The following PRKN variants were observed in gnomAD, a reference collection of about 807,000 sequenced individuals.
PRKN encodes E3 ubiquitin-protein ligase parkin.
PRKN carries 56 observed loss-of-function variants against 59.5 expected under a neutral mutation model. That is an observed-to-expected ratio of 0.94 (90% CI 0.76 to 1.18). PRKN has a LOEUF of 1.18. Ranked by LOEUF, PRKN falls within the 50% of genes most tolerant of loss-of-function variation. The pLI is 0.00. For missense variants in PRKN, 657 were observed against 596.4 expected (o/e 1.10, Z -1.06); for synonymous variants, 250 against 222.1 (o/e 1.13, Z -1.12).
chr6:161,560,231 G>A lies in PRKN; in HGVS notation c.933+9124C>T, dbSNP rs371507671. Among the ~76,000 whole-genome samples the A allele has an allele frequency of 1.2e-4, 18 of 152,188 alleles. No individual in the cohort carries two copies. In the East Asian group the frequency reaches 2.5e-3, roughly 21 times the overall value. ...GCCCTGTATAATCAGCCTTTTGAAA[G>A]GTTTCCCTGTCCACACTGACTTAAC... On this transcript the variant is annotated intron_variant, in intron 8 of 11. Transcript: ENST00000366898. The surrounding 1 kb of genome is among the most constrained non-coding windows in gnomAD (Gnocchi z 4.9).
intron 9 of PRKN, among the ~76,000 whole-genome samples, chr6:161,387,782 TG>T (rs1228919094): frequency 9.2e-5 from 14 of 152,110 alleles, no homozygotes; most frequent in Non-Finnish European, 1.9e-4. Flanking sequence ...AGAAAGTAAC[TG>T]TATTTGGAGA....
At chr6:161,383,448 C>T (rs1786084716) in intron 10 of PRKN, among the ~76,000 whole-genome samples, 1 of 152,196 alleles carries the variant, frequency 6.6e-6, no homozygotes, top group Non-Finnish European at 1.5e-5. Flanking sequence ...ATGGGCTGTG[C>T]CCCTAGGATC....
chr6:161,558,089 A>C (rs545097417), intron 8 of PRKN, among the ~76,000 whole-genome samples: 4 of 152,242 alleles, frequency 2.6e-5, no homozygotes, highest in South Asian at 4.1e-4. Flanking sequence ...CTGCTCGGTT[A>C]ATTCTCTGTC....
intron 2 of PRKN, among the ~76,000 whole-genome samples, chr6:162,373,348 G>T (rs1185881145): frequency 6.6e-6 from 1 of 152,078 alleles, no homozygotes; most frequent in Non-Finnish European, 1.5e-5. Context: ...TGTGTTTGTT[G>T]AGTTAATAAA....
At position 162,054,138 on chromosome 6, in the gene PRKN, G is replaced by T; in HGVS notation, c.571C>A (p.Arg191=). 1.2e-6 allele frequency: 2 copies of T among 1,613,512 alleles called. No homozygotes were observed. Among genetic ancestry groups the T allele is most frequent in the South Asian group, 2.2e-5 (2 of 91,082 alleles). Residue 191 remains arginine, a synonymous_variant, in exon 5 of 12, where the codon CGG becomes AGG. Transcript: ENST00000366898. The stretch of plus-strand genomic sequence containing the variant: ...GGGGATTGGCATTCACCACTCATCC[G>T]GTTTGGAATTAAAACATCATCCCAG... ...SCWDDVLIPN[R]MSGECQSPHC...
intron 5 of PRKN, among the ~76,000 whole-genome samples, chr6:162,014,201 G>A (rs1471923580): frequency 1.3e-5 from 2 of 152,092 alleles, no homozygotes; most frequent in Non-Finnish European, 2.9e-5. Context: ...TCAGTGTGGG[G>A]CCTGGTTAAA....
chr6:162,405,278 A>T (rs968860837), intron 2 of PRKN, among the ~76,000 whole-genome samples: 1 of 152,228 alleles, frequency 6.6e-6, no homozygotes, highest in Admixed American at 6.5e-5. Flanking sequence ...CTTACAAAAG[A>T]GAAACAACTT....
chr6:162,227,139 T>C (rs77216775), intron 3 of PRKN, among the ~76,000 whole-genome samples: 4,414 of 152,298 alleles, frequency 0.029, 209 homozygotes, highest in African/African-American at 0.1. Context: ...GGGACTTGCA[T>C]ACAGTCTTCC....
In PRKN at chr6:161,641,025, C is replaced by G. The variant is rs551489470; in HGVS notation, c.872-71609G>C. 2.0e-5 allele frequency among the ~76,000 whole-genome samples: 3 copies of G among 152,340 alleles called. No individual in the cohort carries two copies. The East Asian group carries it at 5.8e-4, about 29-fold the overall frequency. On this transcript the variant is annotated intron_variant, in intron 7 of 11. Transcript: ENST00000366898. Reference sequence around the variant, plus strand: ...AGAAAATTATTATAGTGAAAGAGATCTGACCAAACCAACTCCATCTTCCTT... The same window carrying G: ...AGAAAATTATTATAGTGAAAGAGATGTGACCAAACCAACTCCATCTTCCTT...
intron 7 of PRKN, among the ~76,000 whole-genome samples, chr6:161,684,997 G>A (rs1367832783): frequency 6.6e-6 from 1 of 152,176 alleles, no homozygotes; most frequent in Admixed American, 6.5e-5. Context: ...CTCAAGACTG[G>A]TGGTTAACAT....
chr6:161,363,423 G>A lies in PRKN; in HGVS notation c.1168-3218C>T, dbSNP rs1277463634. Among the ~76,000 whole-genome samples the A allele has an allele frequency of 6.6e-6, 1 of 152,152 alleles. No homozygotes were observed. Among genetic ancestry groups the A allele is most frequent in the Non-Finnish European group, 1.5e-5 (1 of 68,040 alleles). On this transcript the variant is annotated intron_variant, in intron 10 of 11. Transcript: ENST00000366898. The surrounding 1 kb of genome is among the most constrained non-coding windows in gnomAD (Gnocchi z 4.1). ...ACTAATAATTAAAATTAGAAACTCA[G>A]TTGATGAGTTACATAACAAATTAGA...
In PRKN at chr6:161,853,601, A is replaced by C. The variant is rs145599633; in HGVS notation, c.735-67693T>G. On this transcript the variant is annotated intron_variant, in intron 6 of 11. Coordinates refer to ENST00000366898, the MANE Select transcript of PRKN (RefSeq NM_004562.3). The stretch of plus-strand genomic sequence containing the variant: ...CATGACTCTACTTAACAGAGCTAGG[A>C]ATACTGTCAGTTTGCAAAGGTAAAA... 2.8e-4 allele frequency among the ~76,000 whole-genome samples: 42 copies of C among 152,334 alleles called. No homozygotes were observed. The East Asian group carries it at 5.6e-3, about 20-fold the overall frequency.
At chr6:162,487,544 A>T (rs577644814) in intron 1 of PRKN, among the ~76,000 whole-genome samples, 1 of 152,182 alleles carries the variant, frequency 6.6e-6, no homozygotes, top group South Asian at 2.1e-4. Flanking sequence ...GAACACACAT[A>T]AAACTGGAAA....
intron 6 of PRKN, among the ~76,000 whole-genome samples, chr6:161,954,534 A>G (rs1780101617): frequency 6.6e-6 from 1 of 152,214 alleles, no homozygotes; most frequent in Admixed American, 6.5e-5. Flanking sequence ...TTCTGAAATC[A>G]TATTGACACA....
chr6:162,272,560 G>A (rs1400217429), intron 2 of PRKN, among the ~76,000 whole-genome samples: 3 of 152,078 alleles, frequency 2.0e-5, no homozygotes, highest in Non-Finnish European at 2.9e-5. Context: ...ACGTCGGGGA[G>A]GTCAGCACTA....
Position 161,561,480 on chromosome 6 carries a change from A to G in PRKN, c.933+7875T>C, listed in dbSNP as rs1208328858. Among the ~76,000 whole-genome samples, 1 of 152,094 alleles carries G rather than the reference A, an allele frequency of 6.6e-6. No individual in the cohort carries two copies. The highest frequency in any genetic ancestry group is 1.5e-5 in the Non-Finnish European group (1 of 68,022). ...AAGTGTCAAGTACTCTTCTATGTGG[A>G]AGACGCAGCAGTGAAAAATGACATC... On this transcript the variant is annotated intron_variant, in intron 8 of 11. Coordinates refer to ENST00000366898, the MANE Select transcript of PRKN (RefSeq NM_004562.3). The surrounding 1 kb of genome is among the most constrained non-coding windows in gnomAD (Gnocchi z 5.0).
intron 1 of PRKN, among the ~76,000 whole-genome samples, chr6:162,566,406 AAAAG>A (rs1780080925): frequency 6.6e-6 from 1 of 152,146 alleles, no homozygotes; most frequent in African/African-American, 2.4e-5. Context: ...AACAAAGAAA[AAAAG>A]AGAGAAGATC....
intron 7 of PRKN, among the ~76,000 whole-genome samples, chr6:161,710,864 TTTCCTTCC>T (rs369791172): frequency 5.8e-5 from 3 of 51,658 alleles, no homozygotes; most frequent in African/African-American, 1.7e-4. Context: ...TTCCCTTCCC[TTTCCTTCC>T]TTCCTTCCTT....
chr6:162,390,652 AG>A (rs1315773714), intron 2 of PRKN, among the ~76,000 whole-genome samples: 1 of 151,998 alleles, frequency 6.6e-6, no homozygotes, highest in Non-Finnish European at 1.5e-5. Flanking sequence ...CATGTTGGCC[AG>A]GCTGATCTCG....
Sources: allele counts gnomAD v4.1 joint callset (sites outside exome capture counted in the v4.1 genomes callset), GRCh38; gene constraint gnomAD v4.1.1; non-coding constraint Gnocchi (gnomAD v3.1); transcripts MANE v1.5; gene names NCBI Gene and HGNC (gene_info 2026-07-23, HGNC 2026-07-21).